CHD2: variants seen among roughly 807,000 people sequenced by gnomAD.
The protein encoded by CHD2 is ATP-dependent chromatin remodeler CHD2.
Under a neutral mutation model 243.9 loss-of-function variants are expected in CHD2, and 28 were observed. That is an observed-to-expected ratio of 0.11 (90% CI 0.09 to 0.16). The LOEUF is 0.16. CHD2 is among the 10% of genes least tolerant of loss of function. CHD2 has a pLI of 1.00. For missense variants in CHD2, 1,386 were observed against 2,209.8 expected (o/e 0.63, Z 7.47); for synonymous variants, 775 against 779.0 (o/e 0.99, Z 0.09).
intron 31 of CHD2, among the ~76,000 whole-genome samples, chr15:92,999,065 C>T (rs1255662370): frequency 1.8e-5 from 2 of 112,878 alleles, no homozygotes; most frequent in African/African-American, 7.2e-5. Flanking sequence ...GCCTGGGCAA[C>T]AGAGCGAGAC....
intron 37 of CHD2, among the ~76,000 whole-genome samples, chr15:93,017,458 T>C (rs1455161156): frequency 6.6e-6 from 1 of 151,096 alleles, no homozygotes; most frequent in Non-Finnish European, 1.5e-5. Context: ...CCCAAGTAGC[T>C]GGGATTACAG....
chr15:92,994,950 C>A (rs993353544), intron 28 of CHD2, among the ~76,000 whole-genome samples: 3 of 152,164 alleles, frequency 2.0e-5, no homozygotes, highest in African/African-American at 7.2e-5. Flanking sequence ...GCTGACATTT[C>A]TAGATCAAAT....
intron 2 of CHD2, among the ~76,000 whole-genome samples, chr15:92,917,115 G>T (rs1178401689): frequency 6.6e-6 from 1 of 152,136 alleles, no homozygotes; most frequent in Non-Finnish European, 1.5e-5. Context: ...ACTTTGTTAT[G>T]TGTACATTGA....
intron 2 of CHD2, chr15:92,904,480 C>A (rs1275658611): frequency 7.1e-6 from 7 of 989,650 alleles, no homozygotes; most frequent in Admixed American, 6.1e-5. Flanking sequence ...CCCAGGGAGC[C>A]GCACGCCGAG....
intron 2 of CHD2, chr15:92,902,203 C>CT (rs2052538451): frequency 5.0e-6 from 2 of 397,790 alleles, no homozygotes; most frequent in South Asian, 2.5e-4. Context: ...TCTTCTGAAG[C>CT]TTAAAAATGT....
chr15:92,998,438 T>G lies in CHD2; in HGVS notation c.3886-61T>G, dbSNP rs918403249. 3.1e-5 allele frequency: 50 copies of G among 1,607,428 alleles called. 1 individual carries two copies. The highest frequency in any genetic ancestry group is 3.4e-4 in the Middle Eastern group (2 of 5,950). On this transcript the variant is annotated intron_variant, in intron 30 of 38. Coordinates refer to ENST00000394196, the MANE Select transcript of CHD2 (RefSeq NM_001271.4). The surrounding 1 kb of genome is among the most constrained non-coding windows in gnomAD (Gnocchi z 5.1). ...GCTCAGTTTTTGTTGTCTCTGTTTA[T>G]CCTGATCCACTAACCAGGATGTGGG...
chr15:93,020,934 T>G (rs964064451), intron 38 of CHD2: 1 of 152,920 alleles, frequency 6.5e-6, no homozygotes, highest in Non-Finnish European at 1.5e-5. Context: ...GCAGCCCGCA[T>G]TAGCAGAGAG....
rs922221446 is a variant in CHD2 at position 92,912,781 on chromosome 15, A to G, written c.62+11482A>G. Among the ~76,000 whole-genome samples, 197 of 147,142 alleles carry G rather than the reference A, an allele frequency of 1.3e-3. No homozygotes were observed. The South Asian group carries it at 0.013, about 10-fold the overall frequency. ...AAACTCCTGACCTCGTGATCCGCCA[A>G]CCTTGTGATCCGCCCGCCTCGGCCT... On this transcript the variant is annotated intron_variant, in intron 2 of 38. Coordinates refer to ENST00000394196, the MANE Select transcript of CHD2 (RefSeq NM_001271.4).
At chr15:92,980,675 T>C (rs1017865047) in intron 22 of CHD2, 140 bp from the exon 23 acceptor site, 54 of 620,536 alleles carry the variant, frequency 8.7e-5, no homozygotes, top group Admixed American at 1.9e-4. Context: ...GAAAATGCGA[T>C]GTTTGAGAAA....
intron 26 of CHD2, among the ~76,000 whole-genome samples, chr15:92,989,034 T>C (rs1327597161): frequency 1.4e-5 from 2 of 144,404 alleles, no homozygotes; most frequent in African/African-American, 2.6e-5. Context: ...ACTTTTTTTT[T>C]TTTTTTTTTT....
rs191098551 is a variant in CHD2, at chr15:92,977,652, A to G, written c.2578-582A>G. On this transcript the variant is annotated intron_variant, in intron 20 of 38. Coordinates refer to ENST00000394196, the MANE Select transcript of CHD2 (RefSeq NM_001271.4). Reference sequence around the variant, plus strand: ...TGTCAGTGCCTGGGTGGTTCCACACATCGCTCTCCAGCCAAACCTGTTTTG... The same window carrying G: ...TGTCAGTGCCTGGGTGGTTCCACACGTCGCTCTCCAGCCAAACCTGTTTTG... Among the ~76,000 whole-genome samples, 182 of 152,326 alleles carry G rather than the reference A, an allele frequency of 1.2e-3. 1 individual carries two copies. The highest frequency in any genetic ancestry group is 4.8e-3 in the South Asian group (23 of 4,824).
intron 3 of CHD2, among the ~76,000 whole-genome samples, chr15:92,925,401 A>G (rs914094953): frequency 1.3e-5 from 2 of 152,236 alleles, no homozygotes; most frequent in African/African-American, 2.4e-5. Flanking sequence ...CAAAAGGACA[A>G]ATAAGAACAC....
chr15:92,950,501 A>C (rs2053539341), intron 13 of CHD2: 1 of 152,216 alleles, frequency 6.6e-6, no homozygotes, highest in Non-Finnish European at 1.5e-5. Flanking sequence ...CAAATGCTTA[A>C]TGTCTTTAGT....
chr15:92,955,982 A>G (rs2053613202), intron 15 of CHD2, among the ~76,000 whole-genome samples: 1 of 152,218 alleles, frequency 6.6e-6, no homozygotes, highest in Non-Finnish European at 1.5e-5. Flanking sequence ...GACAAAAATA[A>G]GAAGCTCTTT....
In CHD2 at chr15:93,010,244, C is replaced by T. The variant is rs140675596; in HGVS notation, c.4592+921C>T. On this transcript the variant is annotated intron_variant, in intron 35 of 38. Coordinates refer to ENST00000394196, the MANE Select transcript of CHD2 (RefSeq NM_001271.4). ...ACTTGTTGGTTGATGGGCATTTAGG[C>T]TGGTTCCATGTTTTTGCAATTGCAG... is the stretch of plus-strand genomic sequence containing the variant. Among the ~76,000 whole-genome samples the T allele has an allele frequency of 1.6e-3, 236 of 152,226 alleles. 1 individual carries two copies. The highest frequency in any genetic ancestry group is 5.5e-3 in the African/African-American group (230 of 41,538).
intron 38 of CHD2, 104 bp from the exon 39 acceptor site, chr15:93,024,268 G>C (rs780817669): frequency 3.6e-5 from 35 of 975,948 alleles, no homozygotes; most frequent in Non-Finnish European, 4.9e-5. Flanking sequence ...GTGAGCATTT[G>C]TCCTTGAATA....
chr15:92,905,791 G>A (rs556359794), intron 2 of CHD2, among the ~76,000 whole-genome samples: 8 of 152,292 alleles, frequency 5.3e-5, no homozygotes, highest in Non-Finnish European at 1.0e-4. Flanking sequence ...TGTATATTGC[G>A]TATAAAATGC....
intron 28 of CHD2, 52 bp from the exon 29 acceptor site, chr15:92,996,905 G>A (rs2054196050): frequency 1.9e-6 from 3 of 1,566,136 alleles, no homozygotes; most frequent in Admixed American, 1.9e-5. Flanking sequence ...CATGTTTTCT[G>A]TGGAACTTCT....
intron 20 of CHD2, among the ~76,000 whole-genome samples, chr15:92,976,539 G>A (rs533096316): frequency 4.7e-4 from 72 of 151,608 alleles, no homozygotes; most frequent in African/African-American, 1.6e-3. Flanking sequence ...GGCTAGGCGC[G>A]CATAGTGGCT....
Sources: gnomAD v4.1 joint callset for allele counts (sites outside exome capture counted in the v4.1 genomes callset) on GRCh38, gnomAD v4.1.1 for gene constraint, Gnocchi (gnomAD v3.1) non-coding constraint, MANE v1.5 for transcripts, NCBI Gene and HGNC (gene_info 2026-07-23, HGNC 2026-07-21) for gene names.